Variants in SLAIN2 observed in about 807,000 individuals in gnomAD.
SLAIN2 encodes the protein SLAIN motif-containing protein 2.
In SLAIN2, 31 loss-of-function variants were observed where a neutral mutation model predicts 56.6. That is an observed-to-expected ratio of 0.55 (90% CI 0.41 to 0.74). The LOEUF is 0.74. SLAIN2 is among the 30% of genes least tolerant of loss of function. The pLI is 0.00. For synonymous variants in SLAIN2, 317 were observed against 284.9 expected (o/e 1.11, Z -1.13); for missense variants, 777 against 754.2 (o/e 1.03, Z -0.35).
intron 6 of SLAIN2, among the ~76,000 whole-genome samples, chr4:48,413,352 T>C (rs1560466116): frequency 6.6e-6 from 1 of 152,202 alleles, no homozygotes; most frequent in Non-Finnish European, 1.5e-5. Context: ...ATCCTGACTT[T>C]CCTATTTGCT....
At chr4:48,364,113 C>T (rs751154069) in intron 1 of SLAIN2, among the ~76,000 whole-genome samples, 95 of 65,616 alleles carry the variant, frequency 1.4e-3, no homozygotes, top group Non-Finnish European at 2.5e-3. Context: ...CTCCTCACTT[C>T]TCAGACGGGG....
At chr4:48,384,905 T>G (rs192344515) in intron 6 of SLAIN2, among the ~76,000 whole-genome samples, 1 of 152,204 alleles carries the variant, frequency 6.6e-6, no homozygotes, top group East Asian at 1.9e-4. Flanking sequence ...CCAAGCAACT[T>G]TCTTAGAAAG....
intron 6 of SLAIN2, among the ~76,000 whole-genome samples, chr4:48,392,971 A>G (rs1329683265): frequency 6.6e-6 from 1 of 151,576 alleles, no homozygotes; most frequent in African/African-American, 2.4e-5. Flanking sequence ...AAAAAACAGG[A>G]ACAAGTGAGT....
At chr4:48,420,746 G>A (rs1250335430) in intron 7 of SLAIN2, among the ~76,000 whole-genome samples, 2 of 152,012 alleles carry the variant, frequency 1.3e-5, no homozygotes, top group Non-Finnish European at 2.9e-5. Context: ...CATTCATTTC[G>A]AATATAATTA....
In SLAIN2 at chr4:48,409,958, T is replaced by G. The variant is rs77863509; in HGVS notation, c.1361-10167T>G. 9.7e-3 allele frequency among the ~76,000 whole-genome samples: 1,474 copies of G among 152,288 alleles called. 20 individuals carry two copies. Among genetic ancestry groups the G allele is most frequent in the African/African-American group, 0.034 (1,401 of 41,546 alleles). ...ATGGACAGACATGTTTTAGTTCTCT[T>G]GATTATATGCTTAGTGTAATTACTG... is the stretch of plus-strand genomic sequence containing the variant. On this transcript the variant is annotated intron_variant, in intron 6 of 7. Transcript: ENST00000264313.
chr4:48,399,681 A>G lies in SLAIN2; in HGVS notation c.1360+15897A>G, dbSNP rs372117401. ...TTTTTATTTTGAGGTATTTCCTTCA[A>G]TACATAGTATATTGAGAGTTTTTAA... On this transcript the variant is annotated intron_variant, in intron 6 of 7. Coordinates refer to ENST00000264313, the MANE Select transcript of SLAIN2 (RefSeq NM_020846.2). Among the ~76,000 whole-genome samples, 22 of 152,282 alleles carry G rather than the reference A, an allele frequency of 1.4e-4. No homozygotes were observed. The East Asian group carries it at 1.7e-3, about 12-fold the overall frequency.
chr4:48,388,799 G>A (rs1577726875), intron 6 of SLAIN2, among the ~76,000 whole-genome samples: 1 of 152,252 alleles, frequency 6.6e-6, no homozygotes, highest in East Asian at 1.9e-4. Context: ...AGTATTTTGT[G>A]AATTACCACA....
chr4:48,359,098 A>G (rs1715248211), intron 1 of SLAIN2, among the ~76,000 whole-genome samples: 1 of 152,172 alleles, frequency 6.6e-6, no homozygotes, highest in African/African-American at 2.4e-5. Context: ...TACAATCTCA[A>G]AGTGGCCACT....
intron 6 of SLAIN2, among the ~76,000 whole-genome samples, chr4:48,389,530 G>T (rs1342013965): frequency 6.6e-6 from 1 of 152,214 alleles, no homozygotes; most frequent in Non-Finnish European, 1.5e-5. Context: ...GTAGCAGGGA[G>T]AGTTAGACAG....
rs1361252477 is a variant in SLAIN2 at position 48,422,528 on chromosome 4, A to G, written c.*451A>G. 6.5e-6 allele frequency: 1 copy of G among 153,984 alleles called. No homozygotes were observed. Among genetic ancestry groups the G allele is most frequent in the African/African-American group, 2.4e-5 (1 of 41,488 alleles). 9.5% of individuals were successfully genotyped at this position (153,984 alleles called of 1,614,324 possible). A position where few individuals can be genotyped will look rare whatever the true frequency, so the allele number is the denominator to read the frequency against. On this transcript the variant is annotated 3_prime_UTR_variant, in exon 8 of 8. Coordinates refer to ENST00000264313, the MANE Select transcript of SLAIN2 (RefSeq NM_020846.2). Reference sequence around the variant, plus strand: ...TCAATAAATATTTGTGTTAATGAGAACTAATATTCTGACTAATTATCTAAA... The same window carrying G: ...TCAATAAATATTTGTGTTAATGAGAGCTAATATTCTGACTAATTATCTAAA...
intron 1 of SLAIN2, among the ~76,000 whole-genome samples, chr4:48,348,689 CAAA>C (rs34880531): frequency 1.0e-4 from 10 of 98,502 alleles, no homozygotes; most frequent in Non-Finnish European, 8.3e-5. Flanking sequence ...GACTCTGTCT[CAAA>C]AAAAAAAAAA....
chr4:48,378,154 T>C, intron 3 of SLAIN2, 94 bp downstream of exon 3: 1 of 1,387,620 alleles, frequency 7.2e-7, no homozygotes, highest in East Asian at 2.3e-5. Flanking sequence ...CGAGTTCATT[T>C]TATTTATGAA....
In SLAIN2 at chr4:48,341,721, C is replaced by A. The variant is rs776773752; in HGVS notation, c.-19C>A. 5 of 1,522,232 alleles carry A rather than the reference C, an allele frequency of 3.3e-6. No individual in the cohort carries two copies. Among genetic ancestry groups the A allele is most frequent in the Non-Finnish European group, 4.4e-6 (5 of 1,134,916 alleles). The allele number at this position is 1,522,232 out of a possible 1,614,324, so 94.3% of individuals were successfully genotyped here. ...GAGAGCGAGCGGGCGGCGGAGGCGG[C>A]GGCGGCGGCGGGGCCGGGATGGAGG... On this transcript the variant is annotated 5_prime_UTR_variant, in exon 1 of 8. Coordinates refer to ENST00000264313, the MANE Select transcript of SLAIN2 (RefSeq NM_020846.2).
chr4:48,397,400 G>A (rs1024602698), intron 6 of SLAIN2, among the ~76,000 whole-genome samples: 9 of 152,084 alleles, frequency 5.9e-5, no homozygotes, highest in African/African-American at 2.2e-4. Context: ...AACTAAGAAG[G>A]AATTAATGAT....
intron 5 of SLAIN2, 103 bp from the exon 6 acceptor site, chr4:48,383,544 A>G: frequency 1.8e-6 from 2 of 1,114,962 alleles, no homozygotes; most frequent in Non-Finnish European, 1.2e-6. Context: ...TCTAAAATAA[A>G]CAGAATGTTT....
chr4:48,361,578 T>C (rs1428220582), intron 1 of SLAIN2, among the ~76,000 whole-genome samples: 2 of 152,198 alleles, frequency 1.3e-5, no homozygotes, highest in African/African-American at 4.8e-5. Context: ...GTGTACAAGA[T>C]GAATTTGAAG....
intron 1 of SLAIN2, among the ~76,000 whole-genome samples, chr4:48,361,542 T>TTGTG (rs1715328342): frequency 6.6e-6 from 1 of 152,236 alleles, no homozygotes. Flanking sequence ...AAAGTCAGAT[T>TTGTG]TGTGTTTTAG....
intron 1 of SLAIN2, among the ~76,000 whole-genome samples, chr4:48,348,704 AAAG>A (rs201210409): frequency 0.014 from 2,153 of 151,600 alleles, 43 homozygotes; most frequent in African/African-American, 0.05. Context: ...AAAAAAAAAA[AAAG>A]AAGATACCTT....
At position 48,369,314 on chromosome 4, in the gene SLAIN2, G is replaced by A. The variant is rs1049682681; in HGVS notation, c.390-535G>A. On this transcript the variant is annotated intron_variant, in intron 1 of 7. Coordinates refer to ENST00000264313, the MANE Select transcript of SLAIN2 (RefSeq NM_020846.2). ...CTCTTGGTCCTTTTCTGAAACTGAA[G>A]CAATTTAGTAATTGATTCACATTTA... 4.6e-5 allele frequency among the ~76,000 whole-genome samples: 7 copies of A among 152,246 alleles called. No individual in the cohort carries two copies. The South Asian group carries it at 6.2e-4, about 14-fold the overall frequency.
Sources: gnomAD v4.1 joint callset for allele counts (sites outside exome capture counted in the v4.1 genomes callset) on GRCh38, gnomAD v4.1.1 for gene constraint, MANE v1.5 for transcripts, NCBI Gene and HGNC (gene_info 2026-07-23, HGNC 2026-07-21) for gene names.